LHFPL6: variants seen among roughly 807,000 people sequenced by gnomAD.
The protein encoded by LHFPL6 is LHFPL tetraspan subfamily member 6 protein.
A neutral mutation model predicts 20.6 loss-of-function variants in LHFPL6; 9 were observed. The ratio of observed to expected loss-of-function variants is 0.44; its 90% confidence interval spans 0.26 to 0.76. The LOEUF is 0.76. Among genes scored for constraint, LHFPL6 ranks in the 30% least tolerant of loss-of-function variants. The pLI is 0.20. For missense variants in LHFPL6, 218 were observed against 253.5 expected (o/e 0.86, Z 0.95); for synonymous variants, 105 against 98.7 (o/e 1.06, Z -0.38).
At chr13:39,480,594 A>T (rs1266662860) in intron 2 of LHFPL6, among the ~76,000 whole-genome samples, 5 of 152,178 alleles carry the variant, frequency 3.3e-5, no homozygotes, top group Non-Finnish European at 7.3e-5. Context: ...TAATGGTAAC[A>T]TCTTTGTGTG....
intron 3 of LHFPL6, among the ~76,000 whole-genome samples, chr13:39,355,896 C>A (rs1247858384): frequency 6.6e-6 from 1 of 152,174 alleles, no homozygotes; most frequent in Non-Finnish European, 1.5e-5. Flanking sequence ...AGAAGCACTT[C>A]TAAACCCATG....
intron 2 of LHFPL6, among the ~76,000 whole-genome samples, chr13:39,421,620 G>C (rs576213665): frequency 6.6e-6 from 1 of 152,020 alleles, no homozygotes; most frequent in South Asian, 2.1e-4. Context: ...CACATTAACG[G>C]GTGGACAAGT....
Position 39,375,643 on chromosome 13 carries a change from T to C in LHFPL6, c.484+2785A>G, listed in dbSNP as rs1430330340. 1.1e-4 allele frequency among the ~76,000 whole-genome samples: 16 copies of C among 142,898 alleles called. 1 individual carries two copies. The highest frequency in any genetic ancestry group is 4.8e-4 in the African/African-American group (16 of 33,588). 93.7% of individuals were successfully genotyped at this position (142,898 alleles called of 152,430 possible). A position where few individuals can be genotyped will look rare whatever the true frequency, so the allele number is the denominator to read the frequency against. On this transcript the variant is annotated intron_variant, in intron 3 of 3. Transcript: ENST00000379589. ...AGGTGGAGGTTGCAGTGAGCTGAAA[T>C]CTCTCCACTGCACTCCAGCCTAGGC...
chr13:39,349,091 CA>C (rs1869489149), intron 3 of LHFPL6, among the ~76,000 whole-genome samples: 1 of 152,044 alleles, frequency 6.6e-6, no homozygotes, highest in Non-Finnish European at 1.5e-5. Flanking sequence ...TAAAATTCAA[CA>C]ACTGGTTAAG....
chr13:39,570,201 GGCACA>G (rs1469013003), intron 2 of LHFPL6, among the ~76,000 whole-genome samples: 1 of 152,086 alleles, frequency 6.6e-6, no homozygotes, highest in Non-Finnish European at 1.5e-5. Flanking sequence ...GGAGTTCAGT[GGCACA>G]ACCATAGTCA....
intron 2 of LHFPL6, among the ~76,000 whole-genome samples, chr13:39,426,705 C>T (rs73458854): frequency 0.028 from 4,287 of 152,190 alleles, 177 homozygotes; most frequent in African/African-American, 0.09. Flanking sequence ...ATTGTACGTA[C>T]ATAAAATAGT....
intron 2 of LHFPL6, among the ~76,000 whole-genome samples, chr13:39,549,029 T>A (rs1435311203): frequency 6.6e-6 from 1 of 152,102 alleles, no homozygotes; most frequent in African/African-American, 2.4e-5. Flanking sequence ...AAGTAACATA[T>A]CCAGGATATT....
At chr13:39,390,152 C>T (rs1870668062) in intron 2 of LHFPL6, among the ~76,000 whole-genome samples, 2 of 7,388 alleles carry the variant, frequency 2.7e-4, no homozygotes, top group Non-Finnish European at 1.5e-3. Flanking sequence ...GGATGTCAGA[C>T]ATATTTTTAA....
chr13:39,421,058 T>C (rs1447333898), intron 2 of LHFPL6, among the ~76,000 whole-genome samples: 1 of 152,084 alleles, frequency 6.6e-6, no homozygotes, highest in Non-Finnish European at 1.5e-5. Flanking sequence ...TTCTTATTCC[T>C]AGTGGTAGCA....
intron 2 of LHFPL6, among the ~76,000 whole-genome samples, chr13:39,558,671 G>A (rs150852734): frequency 7.8e-4 from 119 of 152,258 alleles, no homozygotes; most frequent in African/African-American, 2.4e-3. Context: ...GTATGCTGGC[G>A]TATAAAATAA....
intron 2 of LHFPL6, among the ~76,000 whole-genome samples, chr13:39,574,298 T>C (rs111846174): frequency 0.035 from 5,377 of 152,032 alleles, 201 homozygotes; most frequent in East Asian, 0.18. Context: ...CTGGCTAACA[T>C]GGTGAAACCC....
At chr13:39,546,550 T>C (rs1870987513) in intron 2 of LHFPL6, among the ~76,000 whole-genome samples, 1 of 152,140 alleles carries the variant, frequency 6.6e-6, no homozygotes, top group African/African-American at 2.4e-5. Flanking sequence ...AACTTTAGGA[T>C]AAACCAGCCA....
intron 2 of LHFPL6, among the ~76,000 whole-genome samples, chr13:39,562,391 T>TATATAC (rs1566141922): frequency 4.9e-4 from 21 of 42,974 alleles, no homozygotes; most frequent in East Asian, 3.0e-3. Flanking sequence ...TACATATACA[T>TATATAC]ATATATACAT....
intron 2 of LHFPL6, among the ~76,000 whole-genome samples, chr13:39,401,777 CTT>C (rs1427869730): frequency 6.6e-6 from 1 of 152,142 alleles, no homozygotes; most frequent in Admixed American, 6.5e-5. Flanking sequence ...GGACTCAAGA[CTT>C]TTATATATTT....
chr13:39,377,677 T>A (rs943328931), intron 3 of LHFPL6, among the ~76,000 whole-genome samples: 4 of 152,246 alleles, frequency 2.6e-5, no homozygotes, highest in African/African-American at 9.6e-5. Flanking sequence ...AAATATTTTA[T>A]AGATCGCAAC....
chr13:39,563,714 C>T (rs1033234451), intron 2 of LHFPL6, among the ~76,000 whole-genome samples: 2 of 152,118 alleles, frequency 1.3e-5, no homozygotes, highest in African/African-American at 4.8e-5. Flanking sequence ...TTTTGCTCCT[C>T]ATCAGATCTT....
chr13:39,561,093 T>TG lies in LHFPL6; in HGVS notation c.385+39738_385+39739insC, dbSNP rs1871464527. On this transcript the variant is annotated intron_variant, in intron 2 of 3. Transcript: ENST00000379589. Reference sequence around the variant, plus strand: ...ATGGTGCTCCCTCTGACCAAAGGCCTTTCCTACTTTTCTGCTTGGTAAATT... The same window carrying TG: ...ATGGTGCTCCCTCTGACCAAAGGCCTGTTCCTACTTTTCTGCTTGGTAAATT... Among the ~76,000 whole-genome samples the TG allele has an allele frequency of 2.6e-5, 4 of 151,842 alleles. No homozygotes were observed. In the South Asian group the frequency reaches 8.3e-4, roughly 32 times the overall value.
chr13:39,601,230 G>C lies in LHFPL6; in HGVS notation c.-14C>G. 1 of 1,593,074 alleles carries C rather than the reference G, an allele frequency of 6.3e-7. No individual in the cohort carries two copies. Among genetic ancestry groups the C allele is most frequent in the Non-Finnish European group, 8.6e-7 (1 of 1,168,608 alleles). ...GCTGGATGCCATCTTTCACCAGATA[G>C]GGCAATGAGGACCCCAAGTAAGTGT... is the stretch of plus-strand genomic sequence containing the variant. On this transcript the variant is annotated 5_prime_UTR_variant, in exon 2 of 4. Coordinates refer to ENST00000379589, the MANE Select transcript of LHFPL6 (RefSeq NM_005780.3).
intron 2 of LHFPL6, among the ~76,000 whole-genome samples, chr13:39,541,077 C>A (rs1438616240): frequency 6.6e-6 from 1 of 152,112 alleles, no homozygotes; most frequent in African/African-American, 2.4e-5. Context: ...GTTTATTTCT[C>A]CAGAAATGTA....
Sources: allele counts gnomAD v4.1 joint callset (sites outside exome capture counted in the v4.1 genomes callset), GRCh38; gene constraint gnomAD v4.1.1; transcripts MANE v1.5; gene names NCBI Gene and HGNC (gene_info 2026-07-23, HGNC 2026-07-21).